The following PPM1G variants were observed in gnomAD, a reference collection of about 807,000 sequenced individuals.
The protein encoded by PPM1G is protein phosphatase 1G.
PPM1G carries 12 observed loss-of-function variants against 59.4 expected under a neutral mutation model. The observed-to-expected ratio is 0.20, with a 90% CI of 0.13 to 0.33. The LOEUF (loss-of-function observed/expected upper bound fraction) is 0.33. Among genes scored for constraint, PPM1G ranks in the 10% least tolerant of loss-of-function variants. The probability of loss-of-function intolerance (pLI) is 1.00; values close to 1 mark genes in which losing one functional copy is unlikely to be tolerated. For synonymous variants in PPM1G, 245 were observed against 251.9 expected, an observed-to-expected ratio of 0.97 and a Z score of 0.26; for missense variants, 392 against 681.3, an observed-to-expected ratio of 0.58 and a Z score of 4.73.
In PPM1G at chr2:27,386,525, A is replaced by C. The variant is rs565868375; in HGVS notation, c.191-246T>G. The C allele has an allele frequency of 9.2e-5, 27 of 294,544 alleles. No individual in the cohort carries two copies. The South Asian group carries it at 1.3e-3, about 14-fold the overall frequency. 18.2% of individuals were successfully genotyped at this position (294,544 alleles called of 1,614,324 possible). The stretch of plus-strand genomic sequence containing the variant: ...ACCTGTATACTTAGTTCTCCAGTGA[A>C]AAAAAGATAAAGAATCAGCTCAACT... On this transcript the variant is annotated intron_variant, in intron 2 of 9. Coordinates refer to ENST00000344034, the MANE Select transcript of PPM1G (RefSeq NM_177983.3).
Position 27,382,660 on chromosome 2 carries a change from T to C in PPM1G, c.1202-55A>G, listed in dbSNP as rs1159727819. 1.1e-5 allele frequency: 17 copies of C among 1,600,842 alleles called. No individual in the cohort carries two copies. Among genetic ancestry groups the C allele is most frequent in the Non-Finnish European group, 1.4e-5 (16 of 1,169,686 alleles). ...TTGGATACTTCCCACAGACTTGTGT[T>C]TGTGGCAGGTCAAACCTTGCCATTC... On this transcript the variant is annotated intron_variant, in intron 7 of 9. Transcript: ENST00000344034. The surrounding 1 kb of genome is among the most constrained non-coding windows in gnomAD (Gnocchi z 4.2).
chr2:27,387,607 T>C (rs1391903368), intron 1 of PPM1G, among the ~76,000 whole-genome samples: 1 of 152,032 alleles, frequency 6.6e-6, no homozygotes, highest in Non-Finnish European at 1.5e-5. Flanking sequence ...TTCAAGCGAT[T>C]CTCCTGCCTC....
At position 27,384,700 on chromosome 2, in the gene PPM1G, C is replaced by T. The variant is rs1473026767; in HGVS notation, c.798G>A (p.Glu266=). 6.2e-7 allele frequency: 1 copy of T among 1,610,992 alleles called. No homozygotes were observed. Among genetic ancestry groups the T allele is most frequent in the Non-Finnish European group, 8.5e-7 (1 of 1,177,320 alleles). The change falls in exon 5 of 10, where the codon GAG becomes GAA. Residue 266 remains glutamate, a synonymous_variant. Coordinates refer to ENST00000344034, the MANE Select transcript of PPM1G (RefSeq NM_177983.3). The surrounding 1 kb of genome is among the most constrained non-coding windows in gnomAD (Gnocchi z 4.8). ...FFEDSEDESD[E]AEEEEEDSEE... Reference sequence around the variant, plus strand: ...CACTGTCTTCCTCTTCTTCCTCCGCCTCATCTGACTCATCCTCACTGTCCT... The same window carrying T: ...CACTGTCTTCCTCTTCTTCCTCCGCTTCATCTGACTCATCCTCACTGTCCT...
Position 27,381,491 on chromosome 2 carries a change from C to G in PPM1G, c.*108G>C, listed in dbSNP as rs1426884135. 2 of 1,315,110 alleles carry G rather than the reference C, an allele frequency of 1.5e-6. No individual in the cohort carries two copies. The highest frequency in any genetic ancestry group is 1.1e-6 in the Non-Finnish European group (1 of 924,576). The allele number at this position is 1,315,110 out of a possible 1,614,324, so 81.5% of individuals were successfully genotyped here. ...GGCGGAGTGAAGCCACCCAGCTCCC[C>G]CTGCACACCTCATACCCACTGCTAA... On this transcript the variant is annotated 3_prime_UTR_variant, in exon 10 of 10. Transcript: ENST00000344034.
Position 27,384,672 on chromosome 2 carries a change from CCTCA to C in PPM1G, c.822_825del (p.Ser274ArgfsTer38). On this transcript the variant is annotated frameshift_variant and splice_region_variant, in exon 5 of 10. Transcript: ENST00000344034. LOFTEE classifies it high-confidence loss of function. This position sits in a 1 kb window ranked among gnomAD's most constrained non-coding sequence, Gnocchi z 4.8. ...ATCTGCCTGCCCTCACAGGCCCTTACCTCACTGTCTTCCTCTTCTTCCTCCGCCT... is the reference window on the plus strand; with the variant it reads ...ATCTGCCTGCCCTCACAGGCCCTTACCTGTCTTCCTCTTCTTCCTCCGCCT... The C allele has an allele frequency of 1.2e-6, 2 of 1,602,156 alleles. No homozygotes were observed. Among genetic ancestry groups the C allele is most frequent in the Non-Finnish European group, 1.7e-6 (2 of 1,171,054 alleles).
chr2:27,392,781 G>A, intron 1 of PPM1G: 1 of 1,460,292 alleles, frequency 6.8e-7, no homozygotes, highest in Non-Finnish European at 9.5e-7. Context: ...ATTAGCCTGA[G>A]GCTTAGCTTT....
Position 27,381,481 on chromosome 2 carries a change from C to T in PPM1G, c.*118G>A. On this transcript the variant is annotated 3_prime_UTR_variant, in exon 10 of 10. Coordinates refer to ENST00000344034, the MANE Select transcript of PPM1G (RefSeq NM_177983.3). ...CTTTGGAATGGGCGGAGTGAAGCCA[C>T]CCAGCTCCCCCTGCACACCTCATAC... The T allele has an allele frequency of 8.3e-7, 1 of 1,210,382 alleles. No individual in the cohort carries two copies. Among genetic ancestry groups the T allele is most frequent in the Non-Finnish European group, 1.2e-6 (1 of 838,180 alleles). The allele number at this position is 1,210,382 out of a possible 1,614,324, so 75.0% of individuals were successfully genotyped here.
intron 1 of PPM1G, among the ~76,000 whole-genome samples, chr2:27,390,498 G>A (rs1683872988): frequency 6.6e-6 from 1 of 152,128 alleles, no homozygotes; most frequent in Non-Finnish European, 1.5e-5. Flanking sequence ...GTCAAGGCAG[G>A]AGGACTGCTT....
At chr2:27,408,473 T>C (rs1168844359) in intron 1 of PPM1G, among the ~76,000 whole-genome samples, 4 of 152,182 alleles carry the variant, frequency 2.6e-5, no homozygotes, top group Non-Finnish European at 5.9e-5. Context: ...CCCCCAATAT[T>C]TTTCTTTTCC....
chr2:27,404,777 T>C (rs997528104), intron 1 of PPM1G, among the ~76,000 whole-genome samples: 26 of 151,360 alleles, frequency 1.7e-4, no homozygotes, highest in African/African-American at 5.8e-4. Context: ...ACCCTGTCTC[T>C]ATTGAAAATA....
At chr2:27,386,116 A>G in intron 3 of PPM1G, 78 bp downstream of exon 3, 1 of 1,399,798 alleles carries the variant, frequency 7.1e-7, no homozygotes, top group Non-Finnish European at 1.0e-6. Context: ...GAGGACAAAA[A>G]GAAAGGAAAA....
intron 1 of PPM1G, among the ~76,000 whole-genome samples, chr2:27,388,693 G>A (rs1683825676): frequency 6.6e-6 from 1 of 151,946 alleles, no homozygotes; most frequent in Non-Finnish European, 1.5e-5. Flanking sequence ...GGCTAACATG[G>A]TGAAACCCCG....
chr2:27,391,251 A>G (rs1683894160), intron 1 of PPM1G, among the ~76,000 whole-genome samples: 1 of 152,210 alleles, frequency 6.6e-6, no homozygotes, highest in Admixed American at 6.5e-5. Context: ...GTTCTCTGAG[A>G]AATCTCCAAA....
chr2:27,392,284 TTG>T (rs1184004622), intron 1 of PPM1G, among the ~76,000 whole-genome samples: 8 of 97,504 alleles, frequency 8.2e-5, no homozygotes, highest in African/African-American at 1.8e-4. Flanking sequence ...TTGGTTTGTT[TTG>T]TTTTTTTTTT....
chr2:27,389,472 T>G (rs973021839), intron 1 of PPM1G, among the ~76,000 whole-genome samples: 2 of 152,166 alleles, frequency 1.3e-5, no homozygotes, highest in African/African-American at 4.8e-5. Flanking sequence ...TCACCTTCCC[T>G]AAACACTTTA....
intron 1 of PPM1G, among the ~76,000 whole-genome samples, chr2:27,390,336 C>G (rs1237970873): frequency 1.3e-5 from 2 of 152,182 alleles, no homozygotes; most frequent in Non-Finnish European, 2.9e-5. Flanking sequence ...AGAAATTATC[C>G]TCTCTTCCTA....
chr2:27,393,720 G>A (rs1454418944), intron 1 of PPM1G, among the ~76,000 whole-genome samples: 2 of 152,072 alleles, frequency 1.3e-5, no homozygotes, highest in Non-Finnish European at 2.9e-5. Flanking sequence ...GAGTAGCTGG[G>A]AGTACAGGTG....
chr2:27,393,731 C>T (rs940024739), intron 1 of PPM1G, among the ~76,000 whole-genome samples: 3 of 151,770 alleles, frequency 2.0e-5, no homozygotes, highest in African/African-American at 2.4e-5. Context: ...AGTACAGGTG[C>T]GTGCCACCAC....
intron 1 of PPM1G, among the ~76,000 whole-genome samples, chr2:27,399,189 G>A (rs1298784624): frequency 4.8e-5 from 7 of 145,874 alleles, no homozygotes; most frequent in African/African-American, 1.8e-4. Flanking sequence ...AACAAAAAAA[G>A]AAAGCAAAAG....
Sources: allele counts gnomAD v4.1 joint callset (sites outside exome capture counted in the v4.1 genomes callset), GRCh38; gene constraint gnomAD v4.1.1; non-coding constraint Gnocchi (gnomAD v3.1); transcripts MANE v1.5; gene names NCBI Gene and HGNC (gene_info 2026-07-23, HGNC 2026-07-21).